The following RAB27A variants were observed in gnomAD, a reference collection of about 807,000 sequenced individuals.
The protein encoded by RAB27A is ras-related protein Rab-27A.
Under a neutral mutation model 20.8 loss-of-function variants are expected in RAB27A, and 17 were observed. The ratio of observed to expected loss-of-function variants is 0.82; its 90% CI spans 0.56 to 1.23. The LOEUF is 1.23. Among genes scored for constraint, RAB27A ranks in the 50% most tolerant of loss-of-function variants. The pLI, the probability that RAB27A is intolerant of heterozygous loss-of-function variation, is 0.00. For missense variants in RAB27A, 277 were observed against 266.7 expected (o/e 1.04, Z -0.27); for synonymous variants, 85 against 92.8 (o/e 0.92, Z 0.48).
chr15:55,297,147 C>T (rs761051662), intron 2 of RAB27A, among the ~76,000 whole-genome samples: 1 of 152,134 alleles, frequency 6.6e-6, no homozygotes, highest in Non-Finnish European at 1.5e-5. Context: ...ACCAGAGGCT[C>T]AAAGCCAGAG....
In RAB27A at chr15:55,204,844, C is replaced by A. The variant is rs1022504408; in HGVS notation, c.*663G>T. On this transcript the variant is annotated 3_prime_UTR_variant, in exon 7 of 7. Transcript: ENST00000336787. ...TTTGGTTGCTCATATTACATTAAGC[C>A]AGCCTGCCCCACCCCAATCCCCTTC... 1 of 153,074 alleles carries A rather than the reference C, an allele frequency of 6.5e-6. No homozygotes were observed. Among genetic ancestry groups the A allele is most frequent in the African/African-American group, 2.4e-5 (1 of 41,416 alleles). The allele number at this position is 153,074 out of a possible 1,614,324, so 9.5% of individuals were successfully genotyped here.
At chr15:55,273,698 A>G (rs1253524753) in intron 1 of RAB27A, among the ~76,000 whole-genome samples, 1 of 152,226 alleles carries the variant, frequency 6.6e-6, no homozygotes, top group Non-Finnish European at 1.5e-5. Flanking sequence ...AGCAGATATA[A>G]CAGTTGTAAA....
At chr15:55,213,520 C>A (rs569163379) in intron 6 of RAB27A, among the ~76,000 whole-genome samples, 2 of 152,310 alleles carry the variant, frequency 1.3e-5, no homozygotes, top group East Asian at 3.9e-4. Context: ...TGTTAGCAAC[C>A]AGGCCACACA....
intron 1 of RAB27A, among the ~76,000 whole-genome samples, chr15:55,286,912 CTTTTTTTTTTTTTTTT>C (rs35313703): frequency 1.8e-5 from 1 of 57,138 alleles, no homozygotes; most frequent in African/African-American, 6.2e-5. Flanking sequence ...TAGATGTATT[CTTTTTTTTTTTTTTTT>C]TTTTTTTTTG....
At position 55,209,902 on chromosome 15, in the gene RAB27A, A is replaced by ATG. The variant is rs770442896; in HGVS notation, c.468-4199_468-4198dup. 3.3e-5 allele frequency among the ~76,000 whole-genome samples: 4 copies of ATG among 119,716 alleles called. 1 individual carries two copies. Among genetic ancestry groups the ATG allele is most frequent in the Admixed American group, 7.3e-5 (1 of 13,740 alleles). The allele number at this position is 119,716 out of a possible 152,430, so 78.5% of individuals were successfully genotyped here. A position where few individuals can be genotyped will look rare whatever the true frequency, so the allele number is the denominator to read the frequency against. On this transcript the variant is annotated intron_variant, in intron 6 of 6. Coordinates refer to ENST00000336787, the MANE Select transcript of RAB27A (RefSeq NM_183235.3). The stretch of plus-strand genomic sequence containing the variant: ...TGTGTGTGTATACATATATACACAT[A>ATG]TGTGTGTGTATGTATATACACACAT...
intron 2 of RAB27A, among the ~76,000 whole-genome samples, chr15:55,306,040 G>A (rs1337424568): frequency 2.0e-5 from 3 of 152,204 alleles, no homozygotes; most frequent in Non-Finnish European, 4.4e-5. Flanking sequence ...AGATTCTGAA[G>A]AGCCATTCAA....
intron 1 of RAB27A, among the ~76,000 whole-genome samples, chr15:55,282,274 G>A (rs1164816433): frequency 6.6e-6 from 1 of 152,150 alleles, no homozygotes; most frequent in Non-Finnish European, 1.5e-5. Context: ...GAACACACCA[G>A]GAAACCATCA....
At chr15:55,318,431 G>A (rs1176040810) in intron 1 of RAB27A, among the ~76,000 whole-genome samples, 2 of 145,448 alleles carry the variant, frequency 1.4e-5, no homozygotes, top group South Asian at 2.4e-4. Flanking sequence ...TGGGCCGCAC[G>A]CGGTGGCTCA....
At chr15:55,315,472 C>T (rs1448476167) in intron 1 of RAB27A, among the ~76,000 whole-genome samples, 1 of 152,102 alleles carries the variant, frequency 6.6e-6, no homozygotes, top group Non-Finnish European at 1.5e-5. Context: ...GAACAGGCAA[C>T]CTACAGAATG....
At chr15:55,300,213 T>C (rs1290225271) in intron 2 of RAB27A, among the ~76,000 whole-genome samples, 1 of 152,140 alleles carries the variant, frequency 6.6e-6, no homozygotes, top group Non-Finnish European at 1.5e-5. Context: ...GCAACCTGCG[T>C]ATGACTTACT....
intron 6 of RAB27A, among the ~76,000 whole-genome samples, chr15:55,219,975 A>C (rs773095421): frequency 2.0e-5 from 3 of 152,072 alleles, no homozygotes; most frequent in Non-Finnish European, 4.4e-5. Flanking sequence ...AAAAAAAAAC[A>C]TGGAAAATTA....
chr15:55,243,507 T>A (rs1566916470), intron 2 of RAB27A, among the ~76,000 whole-genome samples: 1 of 151,888 alleles, frequency 6.6e-6, no homozygotes, highest in African/African-American at 2.4e-5. Context: ...ATACAAAAAA[T>A]TGGCTGGGCA....
intron 6 of RAB27A, among the ~76,000 whole-genome samples, chr15:55,207,961 A>T (rs1477201629): frequency 6.6e-6 from 1 of 152,078 alleles, no homozygotes; most frequent in Non-Finnish European, 1.5e-5. Flanking sequence ...TGGCCAAAAA[A>T]CCTGAACTTT....
chr15:55,232,327 A>C (rs1896062860), intron 3 of RAB27A, among the ~76,000 whole-genome samples: 1 of 152,234 alleles, frequency 6.6e-6, no homozygotes, highest in Non-Finnish European at 1.5e-5. Flanking sequence ...CAACGACAAA[A>C]ATAAATAAAT....
chr15:55,204,168 C>G lies in RAB27A; in HGVS notation c.*1339G>C, dbSNP rs1365885807. 2.6e-5 allele frequency: 4 copies of G among 152,088 alleles called. No individual in the cohort carries two copies. 9.4% of individuals were successfully genotyped at this position (152,088 alleles called of 1,614,324 possible). On this transcript the variant is annotated 3_prime_UTR_variant, in exon 7 of 7. Transcript: ENST00000336787. ...CATTAAGATCTCTGGAAGTTTTGAT[C>G]TACTTTATTCAAACCACTTTAATAA...
intron 1 of RAB27A, among the ~76,000 whole-genome samples, chr15:55,278,453 C>T (rs1476598556): frequency 6.6e-6 from 1 of 151,548 alleles, no homozygotes; most frequent in Non-Finnish European, 1.5e-5. Flanking sequence ...CATAATAGCA[C>T]CAGATTATTC....
rs1468664466 is a variant in RAB27A, at chr15:55,203,830, T to C, written c.*1677A>G. On this transcript the variant is annotated 3_prime_UTR_variant, in exon 7 of 7. Coordinates refer to ENST00000336787, the MANE Select transcript of RAB27A (RefSeq NM_183235.3). ...TTAAAAGAAGCCTTCATTTCAAGGA[T>C]AGAAATATGTAAAATTTTACCAACC... is the stretch of plus-strand genomic sequence containing the variant. 7.2e-5 allele frequency: 11 copies of C among 152,068 alleles called. No individual in the cohort carries two copies. Among genetic ancestry groups the C allele is most frequent in the Non-Finnish European group, 1.6e-4 (11 of 68,020 alleles). The allele number at this position is 152,068 out of a possible 1,614,324, so 9.4% of individuals were successfully genotyped here. A position where few individuals can be genotyped will look rare whatever the true frequency, so the allele number is the denominator to read the frequency against.
intron 2 of RAB27A, among the ~76,000 whole-genome samples, chr15:55,260,368 A>G (rs1897230980): frequency 6.6e-6 from 1 of 152,218 alleles, no homozygotes; most frequent in Non-Finnish European, 1.5e-5. Flanking sequence ...CCTTTGTTAT[A>G]GACAGTTTGG....
intron 1 of RAB27A, among the ~76,000 whole-genome samples, chr15:55,278,410 T>C (rs1378723154): frequency 1.3e-5 from 2 of 152,094 alleles, no homozygotes; most frequent in African/African-American, 4.8e-5. Context: ...ATATCTGAAA[T>C]TTGTTTTTAA....
Sources: gnomAD v4.1 joint callset for allele counts (sites outside exome capture counted in the v4.1 genomes callset) on GRCh38, gnomAD v4.1.1 for gene constraint, MANE v1.5 for transcripts, NCBI Gene and HGNC (gene_info 2026-07-23, HGNC 2026-07-21) for gene names.